The following ASIC2 variants were observed in gnomAD, a reference collection of about 807,000 sequenced individuals.
The protein encoded by ASIC2 is acid sensing ion channel subunit 2.
ASIC2 carries 25 observed loss-of-function variants against 57.3 expected under a neutral mutation model. The ratio of observed to expected loss-of-function variants is 0.44; its 90% CI spans 0.32 to 0.61. The LOEUF (loss-of-function observed/expected upper bound fraction) is 0.61. Among genes scored for constraint, ASIC2 ranks in the 20% least tolerant of loss-of-function variants. The pLI, the probability that ASIC2 is intolerant of heterozygous loss-of-function variation, is 0.06. For synonymous variants in ASIC2, 319 were observed against 307.5 expected (o/e 1.04, Z -0.39); for missense variants, 641 against 738.1 (o/e 0.87, Z 1.52).
At chr17:33,271,151 T>C (rs1904476876) in intron 1 of ASIC2, among the ~76,000 whole-genome samples, 1 of 152,116 alleles carries the variant, frequency 6.6e-6, no homozygotes, top group Non-Finnish European at 1.5e-5. Flanking sequence ...CTCCCTTGGG[T>C]CAGTGCCCTC....
At chr17:33,400,520 C>A (rs1430768090) in intron 1 of ASIC2, among the ~76,000 whole-genome samples, 1 of 152,046 alleles carries the variant, frequency 6.6e-6, no homozygotes, top group Non-Finnish European at 1.5e-5. Context: ...GACTCTACTC[C>A]CTTCTTGAAG....
chr17:33,204,810 AGAATAGG>A (rs1907001255), intron 1 of ASIC2, among the ~76,000 whole-genome samples: 1 of 152,246 alleles, frequency 6.6e-6, no homozygotes, highest in Non-Finnish European at 1.5e-5. Context: ...GAAAGGATGC[AGAATAGG>A]GAATTTTTAG....
chr17:33,158,275 TTGAA>T (rs3082795), intron 1 of ASIC2, among the ~76,000 whole-genome samples: 2,238 of 151,424 alleles, frequency 0.015, 29 homozygotes, highest in African/African-American at 0.034. Context: ...TCAGCAATAC[TTGAA>T]TGAATGAATG....
chr17:33,800,415 C>T (rs2130819), intron 1 of ASIC2, among the ~76,000 whole-genome samples: 3,519 of 152,216 alleles, frequency 0.023, 55 homozygotes, highest in Middle Eastern at 0.037. Context: ...ACACACCTGC[C>T]TTTGGTGTGT....
intron 1 of ASIC2, among the ~76,000 whole-genome samples, chr17:33,618,203 C>T (rs145199478): frequency 3.8e-4 from 53 of 139,064 alleles, no homozygotes; most frequent in Non-Finnish European, 4.7e-4. Flanking sequence ...TTCAGTTCTC[C>T]TTGGTTTTTG....
At chr17:33,497,339 C>T (rs1171083639) in intron 1 of ASIC2, among the ~76,000 whole-genome samples, 1 of 152,236 alleles carries the variant, frequency 6.6e-6, no homozygotes, top group African/African-American at 2.4e-5. Flanking sequence ...GGGCTGTTTC[C>T]AATCAGTTGC....
chr17:33,125,355 A>G (rs1007344669), intron 1 of ASIC2, among the ~76,000 whole-genome samples: 3 of 152,208 alleles, frequency 2.0e-5, no homozygotes, highest in Non-Finnish European at 4.4e-5. Context: ...TTGGGCTAAT[A>G]TTTATTCAGT....
Position 33,205,809 on chromosome 17 carries a change from T to C in ASIC2, c.708+85599A>G, listed in dbSNP as rs372155288. ...CTGGGACTGCGCTGGCTGTGCCGTT[T>C]CTTGGCATACGGTTCCCATGCTGGT... On this transcript the variant is annotated intron_variant, in intron 1 of 9. Transcript: ENST00000225823. Among the ~76,000 whole-genome samples, 177 of 152,348 alleles carry C rather than the reference T, an allele frequency of 1.2e-3. 3 individuals are homozygous for C. In the South Asian group the frequency reaches 0.035, roughly 30 times the overall value.
intron 1 of ASIC2, among the ~76,000 whole-genome samples, chr17:33,830,691 C>T (rs10468578): frequency 0.81 from 122,920 of 151,688 alleles, 50,153 homozygotes; most frequent in African/African-American, 0.85. Context: ...ATTAGGTATT[C>T]ATCCTAATGC....
At chr17:33,168,774 G>T (rs565455200) in intron 1 of ASIC2, among the ~76,000 whole-genome samples, 1 of 152,098 alleles carries the variant, frequency 6.6e-6, no homozygotes, top group Non-Finnish European at 1.5e-5. Context: ...AATACTTAAA[G>T]ACAAAATTTA....
intron 1 of ASIC2, among the ~76,000 whole-genome samples, chr17:34,130,486 C>T (rs1294612490): frequency 1.3e-5 from 2 of 152,216 alleles, no homozygotes; most frequent in Non-Finnish European, 2.9e-5. Context: ...ATTTACTGGA[C>T]ATCATCTATG....
At chr17:34,016,347 C>T (rs1271805232) in intron 1 of ASIC2, among the ~76,000 whole-genome samples, 1 of 146,138 alleles carries the variant, frequency 6.8e-6, no homozygotes, top group East Asian at 2.0e-4. Flanking sequence ...CGGCGTGAAC[C>T]CGGGAGGCGG....
At chr17:33,664,638 G>C (rs759121722) in intron 1 of ASIC2, among the ~76,000 whole-genome samples, 8 of 152,192 alleles carry the variant, frequency 5.3e-5, no homozygotes, top group Non-Finnish European at 1.0e-4. Flanking sequence ...CGAGCATCCA[G>C]AGAAGAGTGG....
intron 1 of ASIC2, among the ~76,000 whole-genome samples, chr17:33,641,036 G>A (rs1264912129): frequency 1.3e-5 from 2 of 152,198 alleles, no homozygotes; most frequent in African/African-American, 4.8e-5. Context: ...TTAGGCCACG[G>A]AGTAACTTGC....
intron 1 of ASIC2, among the ~76,000 whole-genome samples, chr17:33,803,066 T>C (rs1006107428): frequency 1.5e-4 from 23 of 152,176 alleles, no homozygotes; most frequent in Non-Finnish European, 2.9e-4. Flanking sequence ...TTCTGAGTAA[T>C]GAGGAAATGC....
intron 3 of ASIC2, among the ~76,000 whole-genome samples, chr17:33,087,547 A>G (rs1313616460): frequency 6.7e-6 from 1 of 148,598 alleles, no homozygotes; most frequent in Admixed American, 6.7e-5. Flanking sequence ...AAAAAACAAT[A>G]TAGCTCACGT....
intron 1 of ASIC2, among the ~76,000 whole-genome samples, chr17:34,011,014 ATGCCAAAGTCAGACACATG>A (rs1225946485): frequency 0.02 from 30 of 1,504 alleles, no homozygotes; most frequent in South Asian, 0.026. Flanking sequence ...ACACACACAG[ATGCCAAAGTCAGACACATG>A]CACACACACA....
intron 1 of ASIC2, among the ~76,000 whole-genome samples, chr17:33,844,815 T>C (rs1168483738): frequency 2.0e-5 from 3 of 152,210 alleles, no homozygotes; most frequent in Non-Finnish European, 2.9e-5. Context: ...ATTGAATACT[T>C]ACTATGTGCT....
At chr17:33,881,274 G>A (rs144372933) in intron 1 of ASIC2, among the ~76,000 whole-genome samples, 121 of 152,272 alleles carry the variant, frequency 7.9e-4, no homozygotes, top group African/African-American at 2.8e-3. Context: ...AATCAGGCAG[G>A]AGAAGGAAAT....
Sources: allele counts gnomAD v4.1 joint callset (sites outside exome capture counted in the v4.1 genomes callset), GRCh38; gene constraint gnomAD v4.1.1; transcripts MANE v1.5; gene names NCBI Gene and HGNC (gene_info 2026-07-23, HGNC 2026-07-21).